The following GRID2 variants were observed in gnomAD, a reference collection of about 807,000 sequenced individuals.
The protein encoded by GRID2 is glutamate ionotropic receptor delta type subunit 2.
Under a neutral mutation model 114.8 loss-of-function variants are expected in GRID2, and 33 were observed. The ratio of observed to expected loss-of-function variants is 0.29; its 90% CI spans 0.22 to 0.38. The LOEUF is 0.38. Among genes scored for constraint, GRID2 ranks in the 10% least tolerant of loss-of-function variants. GRID2 has a pLI of 1.00. For synonymous variants in GRID2, 505 were observed against 449.9 expected, an observed-to-expected ratio of 1.12 and a Z score of -1.55; for missense variants, 1,184 against 1,257.7, an observed-to-expected ratio of 0.94 and a Z score of 0.89.
chr4:93,739,435 A>G (rs781773015), intron 14 of GRID2, among the ~76,000 whole-genome samples: 160 of 152,116 alleles, frequency 1.1e-3, no homozygotes, highest in Non-Finnish European at 2.0e-3. Context: ...ACCTTCCTCA[A>G]ACTGCAGGGC....
chr4:92,358,198 G>C (rs1325053277), intron 1 of GRID2, among the ~76,000 whole-genome samples: 2 of 152,008 alleles, frequency 1.3e-5, no homozygotes, highest in African/African-American at 4.8e-5. Flanking sequence ...AGGCATATCA[G>C]ATAAAGGCAA....
chr4:92,685,946 C>A (rs1435438645), intron 2 of GRID2, among the ~76,000 whole-genome samples: 1 of 151,966 alleles, frequency 6.6e-6, no homozygotes, highest in African/African-American at 2.4e-5. Flanking sequence ...ATCACATTTT[C>A]TTTACTCTCA....
chr4:93,565,652 G>A (rs1735341777), intron 13 of GRID2, among the ~76,000 whole-genome samples: 1 of 152,132 alleles, frequency 6.6e-6, no homozygotes, highest in Non-Finnish European at 1.5e-5. Context: ...TCCATAAAAA[G>A]TATGGTTCAC....
At chr4:92,483,254 C>G (rs1241605423) in intron 1 of GRID2, among the ~76,000 whole-genome samples, 3 of 152,090 alleles carry the variant, frequency 2.0e-5, no homozygotes, top group Non-Finnish European at 4.4e-5. Context: ...AAGAGAATCG[C>G]TTGAATCTGA....
chr4:93,125,034 GT>G (rs1280782077), intron 4 of GRID2, among the ~76,000 whole-genome samples: 1 of 151,822 alleles, frequency 6.6e-6, no homozygotes. Context: ...TTTAGTCTGG[GT>G]TTTTTTGTTT....
intron 1 of GRID2, among the ~76,000 whole-genome samples, chr4:92,418,321 C>A (rs1005983846): frequency 5.3e-5 from 8 of 152,002 alleles, no homozygotes; most frequent in African/African-American, 1.9e-4. Flanking sequence ...GAATACACTG[C>A]AAAATGAGGC....
intron 11 of GRID2, among the ~76,000 whole-genome samples, chr4:93,472,918 CAGA>C (rs988248644): frequency 4.6e-5 from 7 of 151,994 alleles, no homozygotes; most frequent in African/African-American, 1.7e-4. Flanking sequence ...ACAACAAAAA[CAGA>C]AGAAGGAATA....
intron 2 of GRID2, among the ~76,000 whole-genome samples, chr4:92,679,145 C>A (rs1171878198): frequency 6.6e-6 from 1 of 151,994 alleles, no homozygotes; most frequent in Non-Finnish European, 1.5e-5. Flanking sequence ...CTATTTCCTT[C>A]TTTTCATAAG....
intron 2 of GRID2, among the ~76,000 whole-genome samples, chr4:93,081,847 T>G (rs1729900235): frequency 1.3e-5 from 2 of 152,224 alleles, no homozygotes; most frequent in African/African-American, 4.8e-5. Context: ...ATAATAATAG[T>G]CTCTTAATTG....
At chr4:92,990,875 G>T (rs1754858714) in intron 2 of GRID2, among the ~76,000 whole-genome samples, 1 of 151,982 alleles carries the variant, frequency 6.6e-6, no homozygotes, top group African/African-American at 2.4e-5. Flanking sequence ...CTCTAAAAAA[G>T]ACAAGTCTGA....
intron 1 of GRID2, among the ~76,000 whole-genome samples, chr4:92,390,514 A>G (rs1306083900): frequency 6.6e-6 from 1 of 152,178 alleles, no homozygotes; most frequent in Non-Finnish European, 1.5e-5. Context: ...AATAGAATGG[A>G]TCAAGTCCAG....
intron 13 of GRID2, among the ~76,000 whole-genome samples, chr4:93,554,822 G>T (rs982209944): frequency 2.6e-5 from 4 of 152,146 alleles, no homozygotes; most frequent in Non-Finnish European, 5.9e-5. Flanking sequence ...CTGGCAAGAT[G>T]GCTGAATAGG....
At chr4:92,931,695 A>C (rs1469085076) in intron 2 of GRID2, among the ~76,000 whole-genome samples, 1 of 150,790 alleles carries the variant, frequency 6.6e-6, no homozygotes, top group Non-Finnish European at 1.5e-5. Flanking sequence ...AAAAAAAAAA[A>C]AGTTTGAATA....
intron 12 of GRID2, among the ~76,000 whole-genome samples, chr4:93,511,880 G>T (rs1020320003): frequency 5.9e-5 from 9 of 151,510 alleles, no homozygotes; most frequent in African/African-American, 2.2e-4. Flanking sequence ...CATCTCTCGG[G>T]TTCAAGCAAT....
In GRID2 at chr4:92,671,858, T is replaced by C. The variant is rs548050028; in HGVS notation, c.244+81572T>C. Among the ~76,000 whole-genome samples the C allele has an allele frequency of 1.8e-3, 277 of 152,272 alleles. No homozygotes were observed. In the South Asian group the frequency reaches 0.02, roughly 11 times the overall value. Reference sequence around the variant, plus strand: ...TTCTCAGATATTTGAAAAATAACTTTTGCTAACAACTGTAATATCTTTCCA... The same window carrying C: ...TTCTCAGATATTTGAAAAATAACTTCTGCTAACAACTGTAATATCTTTCCA... On this transcript the variant is annotated intron_variant, in intron 2 of 15. Transcript: ENST00000282020.
At chr4:93,587,114 T>G (rs1386957617) in intron 13 of GRID2, among the ~76,000 whole-genome samples, 2 of 152,090 alleles carry the variant, frequency 1.3e-5, no homozygotes, top group Non-Finnish European at 2.9e-5. Context: ...TCATTTCTCT[T>G]TATTCCCTCT....
chr4:92,749,054 C>T (rs917032768), intron 2 of GRID2, among the ~76,000 whole-genome samples: 1 of 150,996 alleles, frequency 6.6e-6, no homozygotes, highest in African/African-American at 2.4e-5. Context: ...AGTGCAGTGG[C>T]GCGATCTTGG....
chr4:93,661,269 C>G (rs1175933310), intron 14 of GRID2, among the ~76,000 whole-genome samples: 1 of 152,290 alleles, frequency 6.6e-6, no homozygotes, highest in Non-Finnish European at 1.5e-5. Context: ...TTGCTCGATG[C>G]TTAAGTTTCC....
At position 93,303,707 on chromosome 4, in the gene GRID2, C is replaced by G. The variant is rs185726394; in HGVS notation, c.1245+65217C>G. ...TTTTTTTGTTTATGTATCCATACAC[C>G]TATCCATCTATCTGGTTAGCCAGCA... On this transcript the variant is annotated intron_variant, in intron 8 of 15. Transcript: ENST00000282020. 2.4e-4 allele frequency among the ~76,000 whole-genome samples: 37 copies of G among 152,158 alleles called. No homozygotes were observed. In the East Asian group the frequency reaches 6.2e-3, roughly 25 times the overall value.
Sources: gnomAD v4.1 joint callset for allele counts (sites outside exome capture counted in the v4.1 genomes callset) on GRCh38, gnomAD v4.1.1 for gene constraint, MANE v1.5 for transcripts, NCBI Gene and HGNC (gene_info 2026-07-23, HGNC 2026-07-21) for gene names.